Variants in FADS1 observed in about 807,000 individuals in gnomAD.
The protein encoded by FADS1 is fatty acid desaturase 1.
In FADS1, 17 loss-of-function variants were observed where a neutral mutation model predicts 61.6. The observed-to-expected ratio is 0.28, with a 90% CI of 0.19 to 0.41. FADS1 has a LOEUF of 0.41. Ranked by LOEUF, FADS1 falls within the 10% of genes least tolerant of loss-of-function variation. The pLI, the probability that FADS1 is intolerant of heterozygous loss-of-function variation, is 1.00. For missense variants in FADS1, 387 were observed against 650.9 expected (o/e 0.59, Z 4.41); for synonymous variants, 238 against 258.7 (o/e 0.92, Z 0.77).
chr11:61,802,257 A>C lies in FADS1; in HGVS notation c.*154T>G. 1 of 691,618 alleles carries C rather than the reference A, an allele frequency of 1.4e-6. No homozygotes were observed. Among genetic ancestry groups the C allele is most frequent in the South Asian group, 1.7e-5 (1 of 58,720 alleles). 42.8% of individuals were successfully genotyped at this position (691,618 alleles called of 1,614,324 possible). A position where few individuals can be genotyped will look rare whatever the true frequency, so the allele number is the denominator to read the frequency against. On this transcript the variant is annotated 3_prime_UTR_variant, in exon 12 of 12. Transcript: ENST00000350997. This position sits in a 1 kb window ranked among gnomAD's most constrained non-coding sequence, Gnocchi z 4.2. ...TTTGGGTCTTAGAACTGTGGCTAGA[A>C]GATAAAAGGGAGGAGTTTGAGTCAG...
intron 3 of FADS1, chr11:61,812,097 A>T (rs2066934770): frequency 9.0e-6 from 3 of 331,862 alleles, no homozygotes; most frequent in Non-Finnish European, 1.7e-5. Context: ...ATGGGTCCTG[A>T]CAGTCAAGAA....
intron 7 of FADS1, 54 bp downstream of exon 7, chr11:61,804,631 C>A: frequency 6.7e-7 from 1 of 1,493,912 alleles, no homozygotes; most frequent in Non-Finnish European, 9.3e-7. Flanking sequence ...CCCCTATCCC[C>A]CACTCTGGGT....
In FADS1 at chr11:61,815,170, G is replaced by A. The variant is rs1314769794; in HGVS notation, c.375+1385C>T. On this transcript the variant is annotated intron_variant, in intron 1 of 11. Transcript: ENST00000350997. This position sits in a 1 kb window ranked among gnomAD's most constrained non-coding sequence, Gnocchi z 6.4. ...AAGTGATGCGGCGTGTGGGGCGGGG[G>A]CCGGGGCGGAGCCGGCGGCCGGTGG... The A allele has an allele frequency of 8.6e-5, 14 of 162,854 alleles. No homozygotes were observed. Among genetic ancestry groups the A allele is most frequent in the Non-Finnish European group, 8.8e-5 (6 of 68,288 alleles). 10.1% of individuals were successfully genotyped at this position (162,854 alleles called of 1,614,324 possible).
At position 61,816,824 on chromosome 11, in the gene FADS1, G is replaced by A; in HGVS notation, c.106C>T (p.Pro36Ser). The change falls in exon 1 of 12, where the codon CCG becomes TCG. Residue 36 changes from proline to serine, a missense_variant. This residue lies in a region of FADS1 where 130 missense variants were observed against 117.7 expected (regional missense o/e 1.10). Coordinates refer to ENST00000350997, the MANE Select transcript of FADS1 (RefSeq NM_013402.7). This position sits in a 1 kb window ranked among gnomAD's most constrained non-coding sequence, Gnocchi z 7.0. ...GARQQIHSWS[P>S]RTPSTRLTAP... ...GTCAGGCGCGTGCTCGGGGTCCGCG[G>A]GCTCCAGGAGTGGATTTGCTGGCGC... The A allele has an allele frequency of 6.7e-7, 1 of 1,488,518 alleles. No individual in the cohort carries two copies. Among genetic ancestry groups the A allele is most frequent in the South Asian group, 1.3e-5 (1 of 77,942 alleles). The allele number at this position is 1,488,518 out of a possible 1,614,324, so 92.2% of individuals were successfully genotyped here.
intron 5 of FADS1, among the ~76,000 whole-genome samples, chr11:61,808,207 G>A (rs943081005): frequency 2.0e-5 from 3 of 152,102 alleles, no homozygotes; most frequent in African/African-American, 2.4e-5. Flanking sequence ...TTGGTGGTAC[G>A]CACCTGTAGT....
At chr11:61,804,547 G>A (rs1280208616) in intron 7 of FADS1, 138 bp downstream of exon 7, 10 of 683,872 alleles carry the variant, frequency 1.5e-5, no homozygotes, top group Non-Finnish European at 2.6e-5. Flanking sequence ...TTAGAGATAA[G>A]GAGGATCTGT....
At chr11:61,813,044 G>A (rs1285764894) in intron 2 of FADS1, among the ~76,000 whole-genome samples, 199 bp downstream of exon 2, 1 of 152,176 alleles carries the variant, frequency 6.6e-6, no homozygotes, top group Admixed American at 6.5e-5. Context: ...CAGCCTTGGG[G>A]GAGCCATAGG....
rs1198532917 is a variant in FADS1, at chr11:61,801,622, C to T, written c.*789G>A. 1 of 152,406 alleles carries T rather than the reference C, an allele frequency of 6.6e-6. No individual in the cohort carries two copies. Among genetic ancestry groups the T allele is most frequent in the African/African-American group, 2.4e-5 (1 of 41,458 alleles). The allele number at this position is 152,406 out of a possible 1,614,324, so 9.4% of individuals were successfully genotyped here. ...CAATACCACAGTCTTGACCTTTGCCCTGCCTGCTTCTGAAACTGGAGAATG... is the reference window on the plus strand; with the variant it reads ...CAATACCACAGTCTTGACCTTTGCCTTGCCTGCTTCTGAAACTGGAGAATG... On this transcript the variant is annotated 3_prime_UTR_variant, in exon 12 of 12. Coordinates refer to ENST00000350997, the MANE Select transcript of FADS1 (RefSeq NM_013402.7).
At chr11:61,807,070 T>A (rs1184459284) in intron 5 of FADS1, among the ~76,000 whole-genome samples, 1 of 152,118 alleles carries the variant, frequency 6.6e-6, no homozygotes, top group African/African-American at 2.4e-5. Context: ...CCATCGTACT[T>A]TTTTGTTTAT....
At chr11:61,806,814 C>T (rs2066898122) in intron 5 of FADS1, 90 bp from the exon 6 acceptor site, 2 of 1,171,740 alleles carry the variant, frequency 1.7e-6, no homozygotes, top group South Asian at 1.2e-5. Context: ...GTTTAGGCCT[C>T]CTCCAGGGCT....
chr11:61,811,210 A>G (rs963221448), intron 3 of FADS1, 135 bp from the exon 4 acceptor site: 7 of 653,414 alleles, frequency 1.1e-5, no homozygotes, highest in African/African-American at 3.6e-5. Context: ...GTCAGGAAAC[A>G]TGGGTCCTAG....
At chr11:61,806,559 G>GC in intron 6 of FADS1, 105 bp downstream of exon 6, 1 of 1,037,176 alleles carries the variant, frequency 9.6e-7, no homozygotes. Flanking sequence ...ACTTCCTCTA[G>GC]CCCCTTTCCT....
chr11:61,806,364 AAG>A, intron 6 of FADS1: 1 of 318,896 alleles, frequency 3.1e-6, no homozygotes, highest in Non-Finnish European at 5.9e-6. Context: ...AAAAAAAAAA[AAG>A]ATAAGGTTGA....
chr11:61,809,944 T>G (rs1434496997), intron 5 of FADS1, among the ~76,000 whole-genome samples: 1 of 152,206 alleles, frequency 6.6e-6, no homozygotes, highest in Non-Finnish European at 1.5e-5. Context: ...CTTGAACTCA[T>G]GCCTAGAACT....
intron 5 of FADS1, among the ~76,000 whole-genome samples, chr11:61,807,528 G>T (rs1052082743): frequency 6.6e-6 from 1 of 152,168 alleles, no homozygotes; most frequent in African/African-American, 2.4e-5. Context: ...AGGCTAATTC[G>T]AGTTTGGCAA....
intron 3 of FADS1, among the ~76,000 whole-genome samples, chr11:61,811,306 A>G (rs2066929307): frequency 6.6e-6 from 1 of 150,816 alleles, no homozygotes; most frequent in African/African-American, 2.4e-5. Flanking sequence ...TCCGAAGCTC[A>G]TGACTTTTTT....
rs1046995502 is a variant in FADS1 at position 61,801,590 on chromosome 11, A to C, written c.*821T>G. The C allele has an allele frequency of 2.0e-5, 3 of 152,370 alleles. No homozygotes were observed. The highest frequency in any genetic ancestry group is 7.2e-5 in the African/African-American group (3 of 41,460). 9.4% of individuals were successfully genotyped at this position (152,370 alleles called of 1,614,324 possible). A position where few individuals can be genotyped will look rare whatever the true frequency, so the allele number is the denominator to read the frequency against. On this transcript the variant is annotated 3_prime_UTR_variant, in exon 12 of 12. Coordinates refer to ENST00000350997, the MANE Select transcript of FADS1 (RefSeq NM_013402.7). ...TGGTTCCAGGATCCTTCAGAGCCAA[A>C]AGACCCCAATACCACAGTCTTGACC...
chr11:61,811,563 C>T (rs1334056553), intron 3 of FADS1, among the ~76,000 whole-genome samples: 1 of 151,604 alleles, frequency 6.6e-6, no homozygotes, highest in Non-Finnish European at 1.5e-5. Context: ...ACCTTGGCCT[C>T]CCAAACTGCT....
In FADS1 at chr11:61,816,362, T is replaced by C; in HGVS notation, c.375+193A>G. 1.3e-6 allele frequency: 2 copies of C among 1,598,388 alleles called. No individual in the cohort carries two copies. The highest frequency in any genetic ancestry group is 1.7e-6 in the Non-Finnish European group (2 of 1,179,778). Reference sequence around the variant, plus strand: ...TCCATCCCCACTCCCCAGACTCCACTTCTCCAGGCCTCTCTCCCGCCTTTT... The same window carrying C: ...TCCATCCCCACTCCCCAGACTCCACCTCTCCAGGCCTCTCTCCCGCCTTTT... On this transcript the variant is annotated intron_variant, in intron 1 of 11. Transcript: ENST00000350997. This position sits in a 1 kb window ranked among gnomAD's most constrained non-coding sequence, Gnocchi z 7.0.
Sources: gnomAD v4.1 joint callset for allele counts (sites outside exome capture counted in the v4.1 genomes callset) on GRCh38, gnomAD v4.1.1 for gene constraint, gnomAD v4.1.1 regional missense constraint, Gnocchi (gnomAD v3.1) non-coding constraint, MANE v1.5 for transcripts, NCBI Gene and HGNC (gene_info 2026-07-23, HGNC 2026-07-21) for gene names.